Variants in SLC27A2 observed in about 807,000 individuals in gnomAD.
The protein encoded by SLC27A2 is solute carrier family 27 member 2.
SLC27A2 carries 54 observed loss-of-function variants against 60.0 expected under a neutral mutation model. The observed-to-expected ratio is 0.90, with a 90% CI of 0.72 to 1.13. The LOEUF (loss-of-function observed/expected upper bound fraction) is 1.13, where lower values mean the gene tolerates loss of function less well. SLC27A2 is among the 50% of genes most tolerant of loss of function. The pLI is 0.00. For missense variants in SLC27A2, 739 were observed against 777.6 expected (o/e 0.95, Z 0.59); for synonymous variants, 297 against 297.6 (o/e 1.00, Z 0.02).
At chr15:50,224,117 C>T (rs60425623) in intron 5 of SLC27A2, among the ~76,000 whole-genome samples, 2,615 of 152,248 alleles carry the variant, frequency 0.017, 76 homozygotes, top group East Asian at 0.097. Context: ...CAGTGCCTAG[C>T]CCACACTCGA....
chr15:50,199,838 G>A (rs62020294), intron 2 of SLC27A2, among the ~76,000 whole-genome samples: 2,459 of 152,316 alleles, frequency 0.016, 48 homozygotes, highest in Non-Finnish European at 0.022. Context: ...TGAGGTGGGA[G>A]GATCACTTGA....
chr15:50,190,867 A>C (rs549324882), intron 1 of SLC27A2: 1 of 152,290 alleles, frequency 6.6e-6, no homozygotes, highest in Admixed American at 6.5e-5. Flanking sequence ...TCTCATACTC[A>C]AACTTTTAAT....
In SLC27A2 at chr15:50,202,642, G is replaced by C; in HGVS notation, c.844G>C (p.Ala282Pro). Residue 282 changes from alanine (A) to proline (P), a missense_variant, in exon 3 of 10, where the codon GCT (alanine) becomes CCT (proline). Physicochemically the swap from Ala to Pro is conservative, Grantham distance 27. Transcript: ENST00000267842. ...GATTGGCATTCACGGATGTATTGTG[G>C]CTGGTAAGCTTTTTCTACAAAATGT... ...LLIGIHGCIV[A>P]GATLALRTKF... 6.2e-7 allele frequency: 1 copy of C among 1,611,528 alleles called. No homozygotes were observed. Among genetic ancestry groups the C allele is most frequent in the Non-Finnish European group, 8.5e-7 (1 of 1,177,824 alleles).
intron 2 of SLC27A2, among the ~76,000 whole-genome samples, chr15:50,201,757 A>T (rs56083537): frequency 2.6e-5 from 4 of 151,878 alleles, no homozygotes; most frequent in African/African-American, 9.7e-5. Context: ...GGGTTTCACC[A>T]TGTTAGCCAG....
chr15:50,185,057 T>G (rs1323093265), intron 1 of SLC27A2, among the ~76,000 whole-genome samples: 1 of 152,234 alleles, frequency 6.6e-6, no homozygotes, highest in Non-Finnish European at 1.5e-5. Flanking sequence ...AGCATTTAAA[T>G]TCTGTTTATC....
At chr15:50,211,361 G>A (rs997871293) in intron 4 of SLC27A2, among the ~76,000 whole-genome samples, 7 of 152,134 alleles carry the variant, frequency 4.6e-5, no homozygotes, top group African/African-American at 1.7e-4. Flanking sequence ...TTGCTGGGTG[G>A]CTAGACCCAG....
At chr15:50,216,500 T>C (rs2045196174) in intron 4 of SLC27A2, among the ~76,000 whole-genome samples, 1 of 151,188 alleles carries the variant, frequency 6.6e-6, no homozygotes, top group African/African-American at 2.4e-5. Flanking sequence ...AAAAAGATAC[T>C]TCTACACGCA....
rs146607893 is a variant in SLC27A2 at position 50,228,587 on chromosome 15, T to C, written c.1458-358T>C. Reference sequence around the variant, plus strand: ...TTCAGAAACTGAATTAAGTAGCAACTGAGTTAGTAAATGAGAAATTGAGAG... The same window carrying C: ...TTCAGAAACTGAATTAAGTAGCAACCGAGTTAGTAAATGAGAAATTGAGAG... On this transcript the variant is annotated intron_variant, in intron 7 of 9. Coordinates refer to ENST00000267842, the MANE Select transcript of SLC27A2 (RefSeq NM_003645.4). 1.8e-3 allele frequency among the ~76,000 whole-genome samples: 279 copies of C among 152,062 alleles called. 2 individuals carry two copies. Among genetic ancestry groups the C allele is most frequent in the Admixed American group, 0.016 (246 of 15,272 alleles).
At chr15:50,195,652 TA>T (rs2045008151) in intron 1 of SLC27A2, among the ~76,000 whole-genome samples, 1 of 152,160 alleles carries the variant, frequency 6.6e-6, no homozygotes. Flanking sequence ...TTGATTAAAA[TA>T]TTTTTTTAAA....
intron 1 of SLC27A2, among the ~76,000 whole-genome samples, chr15:50,185,621 CTTTTTTTTTTT>C (rs531026687): frequency 0.14 from 13,724 of 95,856 alleles, 859 homozygotes; most frequent in Middle Eastern, 0.21. Flanking sequence ...AGGAAGCTTA[CTTTTTTTTTTT>C]TTTTTTTTTT....
chr15:50,220,181 G>T (rs2045232700), intron 4 of SLC27A2, among the ~76,000 whole-genome samples: 2 of 152,306 alleles, frequency 1.3e-5, no homozygotes, highest in East Asian at 3.9e-4. Context: ...TCAGCTACCT[G>T]CTACTGGCAG....
chr15:50,236,352 A>AAG lies in SLC27A2; in HGVS notation c.*256_*257insAG. 6.0e-6 allele frequency: 2 copies of AAG among 336,122 alleles called. No individual in the cohort carries two copies. Among genetic ancestry groups the AAG allele is most frequent in the Non-Finnish European group, 1.1e-5 (2 of 187,404 alleles). 20.8% of individuals were successfully genotyped at this position (336,122 alleles called of 1,614,324 possible). On this transcript the variant is annotated 3_prime_UTR_variant, in exon 10 of 10. Coordinates refer to ENST00000267842, the MANE Select transcript of SLC27A2 (RefSeq NM_003645.4). ...TGGAGGGAAGGCATTATTTTTTAAA[A>AAG]TACTTAGTAAATTAAATGAACACCA... is the stretch of plus-strand genomic sequence containing the variant.
chr15:50,204,942 T>A (rs1042561714), intron 3 of SLC27A2, among the ~76,000 whole-genome samples: 1 of 148,380 alleles, frequency 6.7e-6, no homozygotes, highest in Non-Finnish European at 1.5e-5. Context: ...ATATATTGCA[T>A]GAAATCTCTT....
chr15:50,192,787 TAAAAA>T (rs35220625), intron 1 of SLC27A2, among the ~76,000 whole-genome samples: 1 of 136,504 alleles, frequency 7.3e-6, no homozygotes, highest in African/African-American at 2.7e-5. Context: ...ACATTTTTCT[TAAAAA>T]AAAAAAAAAG....
intron 1 of SLC27A2, among the ~76,000 whole-genome samples, chr15:50,193,042 C>T (rs1423061477): frequency 2.0e-5 from 3 of 152,176 alleles, no homozygotes; most frequent in Non-Finnish European, 4.4e-5. Flanking sequence ...CCTTATTCCC[C>T]TCCAACTCTA....
chr15:50,231,812 C>A (rs1277606485), intron 8 of SLC27A2, among the ~76,000 whole-genome samples: 1 of 152,104 alleles, frequency 6.6e-6, no homozygotes, highest in Non-Finnish European at 1.5e-5. Context: ...CTCCAGTGAT[C>A]AGAACTAAAA....
In SLC27A2 at chr15:50,217,114, C is replaced by T. The variant is rs996901757; in HGVS notation, c.973-5851C>T. ...CTTGGGGGGAAGAGTGGGAGGGGGA[C>T]GAGGGATAAAAGACTACAAATATGG... On this transcript the variant is annotated intron_variant, in intron 4 of 9. Transcript: ENST00000267842. Among the ~76,000 whole-genome samples the T allele has an allele frequency of 3.3e-5, 5 of 151,104 alleles. No homozygotes were observed. In the South Asian group the frequency reaches 6.3e-4, roughly 19 times the overall value.
At chr15:50,192,517 T>A (rs4238381) in intron 1 of SLC27A2, among the ~76,000 whole-genome samples, 111,074 of 152,106 alleles carry the variant, frequency 0.73, 41,269 homozygotes, top group East Asian at 0.82. Flanking sequence ...TAATTTTTCA[T>A]GCTAATACCT....
chr15:50,213,552 A>G (rs1045686418), intron 4 of SLC27A2, among the ~76,000 whole-genome samples: 3 of 152,228 alleles, frequency 2.0e-5, no homozygotes, highest in Admixed American at 6.5e-5. Context: ...GATAGACCAC[A>G]TGGTGGCCCA....
Sources: allele counts gnomAD v4.1 joint callset (sites outside exome capture counted in the v4.1 genomes callset), GRCh38; gene constraint gnomAD v4.1.1; transcripts MANE v1.5; gene names NCBI Gene and HGNC (gene_info 2026-07-23, HGNC 2026-07-21).